Variants in SCFD1 observed in about 807,000 individuals in gnomAD.
The protein encoded by SCFD1 is sec1 family domain containing 1.
In SCFD1, 37 loss-of-function variants were observed where a neutral mutation model predicts 103.2. The observed-to-expected ratio is 0.36, with a 90% confidence interval of 0.28 to 0.47. The LOEUF is 0.47. Ranked by LOEUF, SCFD1 falls within the 20% of genes least tolerant of loss-of-function variation. The probability of loss-of-function intolerance (pLI) is 1.00; values close to 1 mark genes in which losing one functional copy is unlikely to be tolerated. For missense variants in SCFD1, 639 were observed against 761.2 expected, an observed-to-expected ratio of 0.84 and a Z score of 1.89; for synonymous variants, 264 against 245.0, an observed-to-expected ratio of 1.08 and a Z score of -0.73.
At chr14:30,676,171 A>T (rs1277038303) in intron 14 of SCFD1, 1 of 152,236 alleles carries the variant, frequency 6.6e-6, no homozygotes. Context: ...GAAATACAAC[A>T]GAGAGCTATA....
At chr14:30,704,155 T>C (rs550609863) in intron 17 of SCFD1, among the ~76,000 whole-genome samples, 1 of 151,940 alleles carries the variant, frequency 6.6e-6, no homozygotes, top group African/African-American at 2.4e-5. Flanking sequence ...TTAGTGTATA[T>C]TCTTTCATTG....
Position 30,675,029 on chromosome 14 carries a change from T to C in SCFD1, c.1206T>C (p.His402=), listed in dbSNP as rs754266101. The change falls in exon 14 of 25, where the codon CAT becomes CAC. Residue 402 remains histidine (H), a synonymous_variant. Transcript: ENST00000458591. The part of the protein sequence containing the change: ...LLEKKRLIDL[H]TNVATAVLEH... ...AGAAAAAAAGACTTATTGATCTCCA[T>C]ACAAATGTTGCCACTGCTGTTTTAG... The C allele has an allele frequency of 2.8e-5, 44 of 1,591,790 alleles. No homozygotes were observed. In the South Asian group the frequency reaches 4.6e-4, roughly 17 times the overall value.
intron 10 of SCFD1, among the ~76,000 whole-genome samples, chr14:30,661,696 T>TA (rs1388113852): frequency 2.0e-5 from 3 of 152,198 alleles, no homozygotes; most frequent in Admixed American, 2.0e-4. Context: ...ATCACCACTT[T>TA]ATCAAATGTT....
At chr14:30,726,068 C>A (rs774323521) in intron 23 of SCFD1, among the ~76,000 whole-genome samples, 3 of 152,166 alleles carry the variant, frequency 2.0e-5, no homozygotes, top group Non-Finnish European at 2.9e-5. Context: ...CACGCTCTTA[C>A]CCTTGGTTAA....
At chr14:30,630,837 A>G (rs1020881555) in intron 3 of SCFD1, 25 of 327,554 alleles carry the variant, frequency 7.6e-5, no homozygotes, top group East Asian at 5.7e-4. Flanking sequence ...TTCCAGCTCT[A>G]AAAGTGTTTT....
At chr14:30,722,158 A>G (rs1892693321) in intron 22 of SCFD1, among the ~76,000 whole-genome samples, 1 of 152,156 alleles carries the variant, frequency 6.6e-6, no homozygotes, top group South Asian at 2.1e-4. Context: ...CATGTGTGGA[A>G]CCTTTTTCTG....
intron 23 of SCFD1, among the ~76,000 whole-genome samples, chr14:30,733,177 T>C (rs1384575483): frequency 6.6e-6 from 1 of 151,916 alleles, no homozygotes; most frequent in East Asian, 1.9e-4. Flanking sequence ...ACCTGGCTAA[T>C]TTTTGTATTT....
chr14:30,726,273 CT>C (rs761259538), intron 23 of SCFD1, among the ~76,000 whole-genome samples: 7 of 152,172 alleles, frequency 4.6e-5, no homozygotes, highest in Non-Finnish European at 8.8e-5. Context: ...ACAGTTTTAC[CT>C]CTTTCTACCA....
At chr14:30,656,570 C>T (rs1430237505) in intron 10 of SCFD1, among the ~76,000 whole-genome samples, 3 of 152,056 alleles carry the variant, frequency 2.0e-5, no homozygotes, top group Non-Finnish European at 2.9e-5. Context: ...AATTATACCC[C>T]GGGTGGCAGA....
At chr14:30,702,482 T>C (rs1891149177) in intron 17 of SCFD1, 107 bp downstream of exon 17, 2 of 608,836 alleles carry the variant, frequency 3.3e-6, no homozygotes, top group Non-Finnish European at 5.6e-6. Context: ...AATGCCTTGG[T>C]GGTTTTATAT....
chr14:30,661,589 T>C (rs1478826236), intron 10 of SCFD1, among the ~76,000 whole-genome samples: 2 of 152,108 alleles, frequency 1.3e-5, no homozygotes, highest in African/African-American at 2.4e-5. Flanking sequence ...TCTTTGAGGG[T>C]AGGAAATTGT....
chr14:30,693,163 A>C lies in SCFD1; in HGVS notation c.1243-1610A>C, dbSNP rs532507629. ...AGCTCACTGATAGGGAATCCTCTAC[A>C]TGCTGATGTAGAATATATTGTTCAG... On this transcript the variant is annotated intron_variant, in intron 14 of 24. Coordinates refer to ENST00000458591, the MANE Select transcript of SCFD1 (RefSeq NM_016106.4). 1.1e-4 allele frequency among the ~76,000 whole-genome samples: 16 copies of C among 152,350 alleles called. No homozygotes were observed. The South Asian group carries it at 2.9e-3, about 28-fold the overall frequency.
At chr14:30,709,316 G>A (rs914466403) in intron 19 of SCFD1, among the ~76,000 whole-genome samples, 3 of 150,826 alleles carry the variant, frequency 2.0e-5, no homozygotes, top group African/African-American at 7.3e-5. Context: ...CTTTTTTTCT[G>A]AGACAAGGTC....
At chr14:30,693,714 C>A (rs1276270186) in intron 14 of SCFD1, among the ~76,000 whole-genome samples, 1 of 152,160 alleles carries the variant, frequency 6.6e-6, no homozygotes, top group Non-Finnish European at 1.5e-5. Context: ...ATTGGTTCTA[C>A]GTTGGTATTA....
chr14:30,641,982 A>G lies in SCFD1; in HGVS notation c.524-1334A>G, dbSNP rs759491519. ...TGATATTGTGAGAGGAAGATAAGTA[A>G]GTCAAGGTCTTTGTCAAAGACAGTC... On this transcript the variant is annotated intron_variant, in intron 6 of 24. Coordinates refer to ENST00000458591, the MANE Select transcript of SCFD1 (RefSeq NM_016106.4). Among the ~76,000 whole-genome samples the G allele has an allele frequency of 2.1e-4, 32 of 152,206 alleles. 1 individual carries two copies. Among genetic ancestry groups the G allele is most frequent in the Non-Finnish European group, 2.9e-4 (20 of 68,028 alleles).
chr14:30,678,660 A>G (rs1420550928), intron 14 of SCFD1, among the ~76,000 whole-genome samples: 5 of 151,876 alleles, frequency 3.3e-5, no homozygotes, highest in Admixed American at 1.3e-4. Context: ...CCAGATACCT[A>G]AAGAAAAGAA....
intron 18 of SCFD1, among the ~76,000 whole-genome samples, chr14:30,707,521 CA>C (rs1273953426): frequency 2.6e-5 from 4 of 152,214 alleles, no homozygotes; most frequent in African/African-American, 9.6e-5. Context: ...AAAGAGAACA[CA>C]GTAATGTTTG....
intron 17 of SCFD1, among the ~76,000 whole-genome samples, chr14:30,703,105 A>AT (rs1346001808): frequency 5.3e-5 from 8 of 151,994 alleles, no homozygotes; most frequent in African/African-American, 1.9e-4. Flanking sequence ...TTTAATAAAT[A>AT]TTTCCTAATA....
intron 24 of SCFD1, 102 bp downstream of exon 24, chr14:30,734,960 C>A: frequency 1.1e-6 from 1 of 888,308 alleles, no homozygotes; most frequent in Non-Finnish European, 1.8e-6. Flanking sequence ...CTGAACCAGC[C>A]GAAACCAAAG....
Sources: allele counts gnomAD v4.1 joint callset (sites outside exome capture counted in the v4.1 genomes callset), GRCh38; gene constraint gnomAD v4.1.1; transcripts MANE v1.5; gene names NCBI Gene and HGNC (gene_info 2026-07-23, HGNC 2026-07-21).